The following WDR11 variants were observed in gnomAD, a reference collection of about 807,000 sequenced individuals.
WDR11 encodes the protein WD repeat-containing protein 11.
Under a neutral mutation model 151.2 loss-of-function variants are expected in WDR11, and 83 were observed. The observed-to-expected ratio is 0.55, with a 90% CI of 0.46 to 0.66. WDR11 has a LOEUF of 0.66. Among genes scored for constraint, WDR11 ranks in the 30% least tolerant of loss-of-function variants. WDR11 has a pLI of 0.00. For synonymous variants in WDR11, 484 were observed against 533.1 expected, an observed-to-expected ratio of 0.91 and a Z score of 1.27; for missense variants, 1,301 against 1,480.9, an observed-to-expected ratio of 0.88 and a Z score of 1.99.
Position 120,853,637 on chromosome 10 carries a change from G to A in WDR11, c.198+1002G>A, listed in dbSNP as rs144705376. 4.7e-3 allele frequency among the ~76,000 whole-genome samples: 709 copies of A among 152,282 alleles called. 2 individuals carry two copies. The highest frequency in any genetic ancestry group is 0.02 in the Middle Eastern group (6 of 294). On this transcript the variant is annotated intron_variant, in intron 2 of 28. Coordinates refer to ENST00000263461, the MANE Select transcript of WDR11 (RefSeq NM_018117.12). The stretch of plus-strand genomic sequence containing the variant: ...TTAGAAAAACTCTGGCAGCAGTGGA[G>A]GATCTGCTGAAGAAATGCAAGACTG...
At chr10:120,899,710 G>A (rs796377777) in intron 19 of WDR11, 2 of 310,752 alleles carry the variant, frequency 6.4e-6, no homozygotes, top group East Asian at 7.7e-5. Flanking sequence ...TTGAACCCGG[G>A]AGGCGGAGGT....
intron 16 of WDR11, among the ~76,000 whole-genome samples, chr10:120,888,822 T>C (rs1327496708): frequency 6.6e-6 from 1 of 152,094 alleles, no homozygotes; most frequent in African/African-American, 2.4e-5. Context: ...TATTTGTTCC[T>C]CAAAAGACAT....
rs747857237 is a variant in WDR11, at chr10:120,862,887, A to G, written c.679A>G (p.Lys227Glu). The G allele has an allele frequency of 6.2e-7, 1 of 1,613,990 alleles. No homozygotes were observed. Among genetic ancestry groups the G allele is most frequent in the Non-Finnish European group, 8.5e-7 (1 of 1,179,878 alleles). ...CACAGGTGCCAAGAAAGCTCTAAATAAAGTAAAAATTTTAATCACTCAAGA... is the reference window on the plus strand; with the variant it reads ...CACAGGTGCCAAGAAAGCTCTAAATGAAGTAAAAATTTTAATCACTCAAGA... ...TATGAKKALN[K>E]VKILITQEKP... The change falls in exon 5 of 29, where the codon AAA (lysine) becomes GAA (glutamate). Residue 227 changes from lysine (K) to glutamate (E), a missense_variant. Transcript: ENST00000263461.
chr10:120,892,976 C>A (rs1847477067), intron 19 of WDR11, among the ~76,000 whole-genome samples: 1 of 151,328 alleles, frequency 6.6e-6, no homozygotes, highest in Non-Finnish European at 1.5e-5. Flanking sequence ...ATATCAGGGA[C>A]TGTTCAACCT....
At chr10:120,887,680 C>T (rs1285088621) in intron 16 of WDR11, among the ~76,000 whole-genome samples, 1 of 152,130 alleles carries the variant, frequency 6.6e-6, no homozygotes, top group Non-Finnish European at 1.5e-5. Flanking sequence ...TTAATGCTGG[C>T]TGTTGACGAG....
chr10:120,853,399 G>C (rs1401991843), intron 2 of WDR11, among the ~76,000 whole-genome samples: 1 of 151,954 alleles, frequency 6.6e-6, no homozygotes, highest in African/African-American at 2.4e-5. Context: ...CTGAGTAGCT[G>C]GGACTACAGG....
chr10:120,904,872 G>A (rs1847973965), intron 25 of WDR11, 61 bp downstream of exon 25: 2 of 1,587,168 alleles, frequency 1.3e-6, no homozygotes, highest in African/African-American at 2.7e-5. Flanking sequence ...TCCCAGCAAA[G>A]TATCTGATTA....
At chr10:120,854,212 A>G (rs1284038881) in intron 2 of WDR11, among the ~76,000 whole-genome samples, 4 of 152,158 alleles carry the variant, frequency 2.6e-5, no homozygotes, top group Non-Finnish European at 5.9e-5. Context: ...TTTGGCAACC[A>G]CTGACCTACT....
chr10:120,908,296 T>G (rs1376552079), intron 28 of WDR11: 1 of 459,096 alleles, frequency 2.2e-6, no homozygotes, highest in African/African-American at 2.3e-5. Context: ...GTTGGTTGGG[T>G]CTTCTGGAAG....
chr10:120,867,214 A>C, intron 9 of WDR11, 45 bp downstream of exon 9: 1 of 1,397,334 alleles, frequency 7.2e-7, no homozygotes, highest in Non-Finnish European at 1.0e-6. Context: ...ATTCTTTCTG[A>C]AGGGCAAAAT....
At chr10:120,891,114 C>T (rs1435921378) in intron 19 of WDR11, among the ~76,000 whole-genome samples, 1 of 129,438 alleles carries the variant, frequency 7.7e-6, no homozygotes, top group Non-Finnish European at 1.7e-5. Context: ...TTTTTAAGTG[C>T]CCCTTTTGAC....
chr10:120,865,557 G>A, intron 6 of WDR11, 73 bp from the exon 7 acceptor site: 10 of 1,003,980 alleles, frequency 1.0e-5, no homozygotes, highest in Non-Finnish European at 1.5e-5. Context: ...ATCTAAATAT[G>A]AGTTTGAGTT....
chr10:120,871,461 C>CT (rs1846538831), intron 10 of WDR11, 115 bp downstream of exon 10: 1 of 1,080,498 alleles, frequency 9.3e-7, no homozygotes, highest in Non-Finnish European at 1.4e-6. Flanking sequence ...GAGATAGAGA[C>CT]TAAGTGAAAC....
intron 16 of WDR11, 93 bp from the exon 17 acceptor site, chr10:120,888,985 C>G: frequency 1.0e-6 from 1 of 960,778 alleles, no homozygotes; most frequent in Non-Finnish European, 1.6e-6. Context: ...TACTAAAGCA[C>G]AGCCCTTTAA....
chr10:120,878,716 G>A (rs1564706471), intron 12 of WDR11, among the ~76,000 whole-genome samples: 2 of 152,044 alleles, frequency 1.3e-5, no homozygotes, highest in Non-Finnish European at 2.9e-5. Flanking sequence ...ATAGGATACC[G>A]GTTCTACTTT....
intron 11 of WDR11, 24 bp from the exon 12 acceptor site, chr10:120,878,329 C>T: frequency 6.5e-7 from 1 of 1,534,956 alleles, no homozygotes; most frequent in Non-Finnish European, 9.0e-7. Flanking sequence ...ATTAGTTTAA[C>T]CTTTATCTCA....
intron 14 of WDR11, among the ~76,000 whole-genome samples, chr10:120,884,243 A>G (rs1263859345): frequency 6.6e-6 from 1 of 152,172 alleles, no homozygotes; most frequent in African/African-American, 2.4e-5. Flanking sequence ...CCTACCTGAT[A>G]TTAGTACATC....
Position 120,909,136 on chromosome 10 carries a change from T to C in WDR11, c.*423T>C, listed in dbSNP as rs1848190846. The C allele has an allele frequency of 5.2e-6, 1 of 193,296 alleles. No individual in the cohort carries two copies. Among genetic ancestry groups the C allele is most frequent in the African/African-American group, 2.4e-5 (1 of 42,548 alleles). The allele number at this position is 193,296 out of a possible 1,614,324, so 12.0% of individuals were successfully genotyped here. A position where few individuals can be genotyped will look rare whatever the true frequency, so the allele number is the denominator to read the frequency against. On this transcript the variant is annotated 3_prime_UTR_variant, in exon 29 of 29. Coordinates refer to ENST00000263461, the MANE Select transcript of WDR11 (RefSeq NM_018117.12). ...ATGCTGTGCCTGTACTTATATACAG[T>C]CTTTCAAGAGAGATACAAACAAGGC... is the stretch of plus-strand genomic sequence containing the variant.
At position 120,903,180 on chromosome 10, in the gene WDR11, G is replaced by C. The variant is rs900145835; in HGVS notation, c.2879G>C (p.Ser960Thr). 31 of 1,614,060 alleles carry C rather than the reference G, an allele frequency of 1.9e-5. No individual in the cohort carries two copies. Among genetic ancestry groups the C allele is most frequent in the Non-Finnish European group, 2.5e-5 (30 of 1,180,044 alleles). ...GAAGCTGCTCCTCGAGACAAACTGA[G>C]CAACCCACTGGATATATGCTATGAC... The part of the protein sequence containing the change: ...PKEAAPRDKL[S>T]NPLDICYDVL... Residue 960 changes from serine to threonine, a missense_variant, in exon 23 of 29, where the codon AGC becomes ACC. Around this residue, in one of 3 missense-constraint regions of WDR11, gnomAD observed 589 missense variants for 670.6 expected, o/e 0.88. Coordinates refer to ENST00000263461, the MANE Select transcript of WDR11 (RefSeq NM_018117.12).
Sources: allele counts gnomAD v4.1 joint callset (sites outside exome capture counted in the v4.1 genomes callset), GRCh38; gene constraint gnomAD v4.1.1; regional missense constraint gnomAD v4.1.1; transcripts MANE v1.5; gene names NCBI Gene and HGNC (gene_info 2026-07-23, HGNC 2026-07-21).